The following ARHGAP22 variants were observed in gnomAD, a reference collection of about 807,000 sequenced individuals.
ARHGAP22 encodes the protein Rho GTPase activating protein 22, also known as rho GTPase-activating protein 22.
In ARHGAP22, 48 loss-of-function variants were observed where a neutral mutation model predicts 59.1. That is an observed-to-expected ratio of 0.81 (90% CI 0.64 to 1.03). The LOEUF (loss-of-function observed/expected upper bound fraction) is 1.03. Among genes scored for constraint, ARHGAP22 ranks in the 50% least tolerant of loss-of-function variants. The probability of loss-of-function intolerance (pLI) is 0.00; values close to 1 mark genes in which losing one functional copy is unlikely to be tolerated. For synonymous variants in ARHGAP22, 445 were observed against 416.4 expected (o/e 1.07, Z -0.84); for missense variants, 1,015 against 958.7 (o/e 1.06, Z -0.78).
At chr10:48,461,009 G>GC (rs1348415867) in intron 4 of ARHGAP22, among the ~76,000 whole-genome samples, 1 of 152,174 alleles carries the variant, frequency 6.6e-6, no homozygotes, top group Non-Finnish European at 1.5e-5. Flanking sequence ...AATTGAATGG[G>GC]CACAGAGTCT....
intron 2 of ARHGAP22, among the ~76,000 whole-genome samples, chr10:48,563,404 A>G (rs1035332164): frequency 6.6e-6 from 1 of 152,112 alleles, no homozygotes; most frequent in Non-Finnish European, 1.5e-5. Context: ...CGTGTTAGCC[A>G]GGATGGTCTC....
intron 1 of ARHGAP22, among the ~76,000 whole-genome samples, chr10:48,584,032 C>T (rs1178046764): frequency 6.6e-6 from 1 of 152,220 alleles, no homozygotes; most frequent in Non-Finnish European, 1.5e-5. Context: ...TCTCCTCTGT[C>T]CCCAGGGAAG....
intron 1 of ARHGAP22, among the ~76,000 whole-genome samples, chr10:48,628,704 A>C (rs2061531700): frequency 6.6e-6 from 1 of 152,194 alleles, no homozygotes; most frequent in East Asian, 1.9e-4. Context: ...CAATATAGTC[A>C]AAGTATATTA....
In ARHGAP22 at chr10:48,450,780, T is replaced by C; in HGVS notation, c.1349A>G (p.Glu450Gly). 1 of 1,567,508 alleles carries C rather than the reference T, an allele frequency of 6.4e-7. No homozygotes were observed. The change falls in exon 9 of 10, where the codon GAG (glutamate) becomes GGG (glycine). Residue 450 changes from glutamate to glycine, a missense_variant. By Grantham distance (98) the Glu-to-Gly change is moderately conservative. Transcript: ENST00000249601. ...GSPKGGGSSLEVPIISSGGNW... is the reference protein window; with the variant it reads ...GSPKGGGSSLGVPIISSGGNW... ...CCCGCCGGAGGAGATGATGGGCACC[T>C]CCAGGGATGAGCCGCCCCCCTTCGG...
downstream of ARHGAP22, among the ~76,000 whole-genome samples, chr10:48,441,477 A>G (rs559300095): frequency 6.9e-6 from 1 of 145,624 alleles, no homozygotes; most frequent in Admixed American, 6.9e-5. Context: ...TTTGAGACAG[A>G]GTCTCGCTCT....
chr10:48,625,693 TACACACACACACACACACACAC>T (rs56897057), intron 1 of ARHGAP22, among the ~76,000 whole-genome samples: 1 of 138,880 alleles, frequency 7.2e-6, no homozygotes, highest in Non-Finnish European at 1.6e-5. Context: ...CTGCAACGTG[TACACACACACACACACACACAC>T]ACACACACAC....
At position 48,450,726 on chromosome 10, in the gene ARHGAP22, A is replaced by T; in HGVS notation, c.1403T>A (p.Leu468Gln). The T allele has an allele frequency of 6.4e-7, 1 of 1,556,600 alleles. No individual in the cohort carries two copies. Among genetic ancestry groups the T allele is most frequent in the Non-Finnish European group, 8.7e-7 (1 of 1,150,556 alleles). ...GNWLMNGLSS[L>Q]RGHRRASSGD... is the part of the protein sequence containing the mutation. ...CGACGAGGCCCGGCGGTGTCCGCGC[A>T]GGGAGGACAGCCCGTTCATAAGCCA... The change falls in exon 9 of 10, where the codon CTG becomes CAG. Residue 468 changes from leucine to glutamine, a missense_variant. Coordinates refer to ENST00000249601, the MANE Select transcript of ARHGAP22 (RefSeq NM_021226.4).
intron 1 of ARHGAP22, among the ~76,000 whole-genome samples, chr10:48,641,948 C>G (rs1189312897): frequency 6.6e-6 from 1 of 152,256 alleles, no homozygotes; most frequent in African/African-American, 2.4e-5. Flanking sequence ...CAATAATAGA[C>G]AAACAGAGAG....
intron 1 of ARHGAP22, among the ~76,000 whole-genome samples, chr10:48,628,292 A>G (rs2061516226): frequency 6.6e-6 from 1 of 152,250 alleles, no homozygotes; most frequent in African/African-American, 2.4e-5. Context: ...TTTGCTGAGC[A>G]TCTACCAGGC....
At chr10:48,431,954 A>G in the ARHGAP22 span, among the ~76,000 whole-genome samples, 3 of 152,300 alleles carry the variant, frequency 2.0e-5, no homozygotes, top group African/African-American at 7.2e-5. Flanking sequence ...TATTGCACAC[A>G]TGTTATGGAT....
chr10:48,457,904 A>G, intron 5 of ARHGAP22, among the ~76,000 whole-genome samples: 1 of 42,454 alleles, frequency 2.4e-5, no homozygotes, highest in Non-Finnish European at 4.8e-5. Flanking sequence ...GAAGTGGGTG[A>G]GGAGGAGACC....
intron 1 of ARHGAP22, among the ~76,000 whole-genome samples, chr10:48,600,597 G>T (rs537575248): frequency 4.0e-5 from 6 of 151,116 alleles, no homozygotes; most frequent in Non-Finnish European, 8.8e-5. Context: ...GGCCACTCTT[G>T]TTCAAAGATC....
intron 4 of ARHGAP22, among the ~76,000 whole-genome samples, chr10:48,463,284 C>T (rs1226642034): frequency 3.3e-5 from 5 of 152,230 alleles, no homozygotes; most frequent in African/African-American, 9.6e-5. Context: ...ATTCGTTCAC[C>T]TCTTCTGCTT....
intron 4 of ARHGAP22, among the ~76,000 whole-genome samples, chr10:48,464,501 G>A (rs966628132): frequency 6.6e-6 from 1 of 152,244 alleles, no homozygotes; most frequent in East Asian, 1.9e-4. Context: ...AGATGAGCAG[G>A]AAGAAGCCAG....
chr10:48,642,293 A>C (rs1463571481), intron 1 of ARHGAP22, among the ~76,000 whole-genome samples: 1 of 152,212 alleles, frequency 6.6e-6, no homozygotes, highest in Non-Finnish European at 1.5e-5. Flanking sequence ...AATCCTAAGC[A>C]AAAAGAACAA....
chr10:48,479,488 A>G, intron 4 of ARHGAP22, 148 bp downstream of exon 4: 3 of 1,437,436 alleles, frequency 2.1e-6, no homozygotes, highest in Non-Finnish European at 2.8e-6. Context: ...GAGGGCTGGC[A>G]GTGGAAGGGC....
At chr10:48,503,486 C>T (rs2051745496) in intron 3 of ARHGAP22, among the ~76,000 whole-genome samples, 1 of 152,218 alleles carries the variant, frequency 6.6e-6, no homozygotes, top group African/African-American at 2.4e-5. Flanking sequence ...ATTAATGAGG[C>T]CCCACACCTG....
intron 1 of ARHGAP22, among the ~76,000 whole-genome samples, chr10:48,592,873 C>A (rs2135769581): frequency 6.6e-6 from 1 of 152,362 alleles, no homozygotes; most frequent in East Asian, 1.9e-4. Context: ...AAGAGGGCAG[C>A]CAGCAAGAGT....
intron 3 of ARHGAP22, among the ~76,000 whole-genome samples, chr10:48,489,897 C>G (rs1273068209): frequency 3.9e-5 from 6 of 152,102 alleles, no homozygotes; most frequent in Non-Finnish European, 7.4e-5. Flanking sequence ...TCACGCTCGG[C>G]TAATTTTTTG....
Sources: allele counts gnomAD v4.1 joint callset (sites outside exome capture counted in the v4.1 genomes callset), GRCh38; gene constraint gnomAD v4.1.1; transcripts MANE v1.5; gene names NCBI Gene and HGNC (gene_info 2026-07-23, HGNC 2026-07-21).